Variants in LUC7L3 observed in about 807,000 individuals in gnomAD.
LUC7L3 encodes the protein LUC7 like 3 pre-mRNA splicing factor, also known as luc7-like protein 3.
A neutral mutation model predicts 66.8 loss-of-function variants in LUC7L3; 6 were observed. The observed-to-expected ratio is 0.09, with a 90% CI of 0.05 to 0.18. The LOEUF (loss-of-function observed/expected upper bound fraction) is 0.18, where lower values mean the gene tolerates loss of function less well. Ranked by LOEUF, LUC7L3 falls within the 10% of genes least tolerant of loss-of-function variation. The probability of loss-of-function intolerance (pLI) is 1.00; values close to 1 mark genes in which losing one functional copy is unlikely to be tolerated. For missense variants in LUC7L3, 341 were observed against 531.1 expected, an observed-to-expected ratio of 0.64 and a Z score of 3.52; for synonymous variants, 160 against 174.7, an observed-to-expected ratio of 0.92 and a Z score of 0.66.
At position 50,753,486 on chromosome 17, in the gene LUC7L3, A is replaced by G. The variant is rs1412897892; in HGVS notation, c.*2825A>G. On this transcript the variant is annotated 3_prime_UTR_variant, in exon 10 of 10. Coordinates refer to ENST00000505658, the MANE Select transcript of LUC7L3 (RefSeq NM_016424.5). ...TTTGAAAAATAATGAAGCCGCCCCCACTTTAGAGGCTCTGTATGAAAAAAT... is the reference window on the plus strand; with the variant it reads ...TTTGAAAAATAATGAAGCCGCCCCCGCTTTAGAGGCTCTGTATGAAAAAAT... 6.6e-6 allele frequency: 1 copy of G among 152,212 alleles called. No individual in the cohort carries two copies. Among genetic ancestry groups the G allele is most frequent in the Non-Finnish European group, 1.5e-5 (1 of 68,008 alleles). The allele number at this position is 152,212 out of a possible 1,614,324, so 9.4% of individuals were successfully genotyped here.
rs67066059 is a variant in LUC7L3, at chr17:50,739,653, C to CA, written c.167-645dup. On this transcript the variant is annotated intron_variant, in intron 2 of 9. Transcript: ENST00000505658. ...TGGGCGACAGAGCAAGACTCTATCT[C>CA]AAAAAAAACAAAACAACAACAACAA... Among the ~76,000 whole-genome samples the CA allele has an allele frequency of 4.2e-4, 63 of 151,788 alleles. No homozygotes were observed. In the East Asian group the frequency reaches 9.1e-3, roughly 22 times the overall value.
At chr17:50,724,857 GT>G (rs1488090417) in intron 1 of LUC7L3, among the ~76,000 whole-genome samples, 2 of 150,618 alleles carry the variant, frequency 1.3e-5, no homozygotes, top group African/African-American at 4.9e-5. Context: ...CACCTCCCGG[GT>G]TCAAGCGATT....
At chr17:50,735,860 C>T (rs1173435770) in intron 1 of LUC7L3, among the ~76,000 whole-genome samples, 2 of 152,130 alleles carry the variant, frequency 1.3e-5, no homozygotes, top group African/African-American at 4.8e-5. Flanking sequence ...GAGCTGGGCA[C>T]AGTGGTTCAC....
intron 7 of LUC7L3, 119 bp from the exon 8 acceptor site, chr17:50,745,601 A>G (rs1302183767): frequency 7.2e-6 from 5 of 696,562 alleles, no homozygotes; most frequent in African/African-American, 1.8e-5. Context: ...GAATGTCTAC[A>G]TTTCCCTTAA....
chr17:50,726,401 G>T (rs1052684150), intron 1 of LUC7L3, among the ~76,000 whole-genome samples: 1 of 152,054 alleles, frequency 6.6e-6, no homozygotes, highest in African/African-American at 2.4e-5. Flanking sequence ...CGAACTCCTG[G>T]CCTTAAGTGA....
At chr17:50,745,596 T>C (rs1234576464) in intron 7 of LUC7L3, 124 bp from the exon 8 acceptor site, 1 of 674,132 alleles carries the variant, frequency 1.5e-6, no homozygotes, top group African/African-American at 1.8e-5. Flanking sequence ...TGTTGGAATG[T>C]CTACATTTCC....
intron 1 of LUC7L3, chr17:50,722,803 T>C (rs1968881793): frequency 6.6e-6 from 1 of 152,250 alleles, no homozygotes; most frequent in African/African-American, 2.4e-5. Flanking sequence ...TACAGGCATT[T>C]CCAACTTTGT....
chr17:50,725,427 G>C (rs538414476), intron 1 of LUC7L3, among the ~76,000 whole-genome samples: 6 of 152,236 alleles, frequency 3.9e-5, no homozygotes, highest in African/African-American at 1.2e-4. Context: ...AAAATTAAAA[G>C]TATTGCTCTT....
At chr17:50,737,814 A>C (rs1353507344) in intron 2 of LUC7L3, among the ~76,000 whole-genome samples, 1 of 152,184 alleles carries the variant, frequency 6.6e-6, no homozygotes, top group Non-Finnish European at 1.5e-5. Context: ...TTTCTGGAGA[A>C]ATTGGACTAG....
In LUC7L3 at chr17:50,751,567, C is replaced by G; in HGVS notation, c.*906C>G. The G allele has an allele frequency of 8.7e-7, 1 of 1,145,740 alleles. No individual in the cohort carries two copies. Among genetic ancestry groups the G allele is most frequent in the Non-Finnish European group, 1.1e-6 (1 of 918,836 alleles). 71.0% of individuals were successfully genotyped at this position (1,145,740 alleles called of 1,614,324 possible). A position where few individuals can be genotyped will look rare whatever the true frequency, so the allele number is the denominator to read the frequency against. ...CTGTATGTAGGGCTGCAGTGGTGGC[C>G]AGAATTAGATATCTTTAAAGAATTT... On this transcript the variant is annotated 3_prime_UTR_variant, in exon 10 of 10. Coordinates refer to ENST00000505658, the MANE Select transcript of LUC7L3 (RefSeq NM_016424.5).
At chr17:50,749,771 T>C (rs1406549376) in intron 9 of LUC7L3, among the ~76,000 whole-genome samples, 1 of 152,244 alleles carries the variant, frequency 6.6e-6, no homozygotes, top group East Asian at 1.9e-4. Context: ...CTATGCTTGC[T>C]CTGGTGTACT....
At position 50,753,992 on chromosome 17, in the gene LUC7L3, G is replaced by A. The variant is rs1259801136; in HGVS notation, c.*3331G>A. 6.6e-6 allele frequency: 1 copy of A among 152,104 alleles called. No individual in the cohort carries two copies. The highest frequency in any genetic ancestry group is 2.4e-5 in the African/African-American group (1 of 41,422). The allele number at this position is 152,104 out of a possible 1,614,324, so 9.4% of individuals were successfully genotyped here. ...CCTGGCTTTAGTTATGGAGAGAGAC[G>A]TAGAAGTTGAATTTTACACCCAAAA... On this transcript the variant is annotated 3_prime_UTR_variant, in exon 10 of 10. Transcript: ENST00000505658.
intron 2 of LUC7L3, 114 bp downstream of exon 2, chr17:50,737,140 T>G: frequency 1.4e-6 from 1 of 724,534 alleles, no homozygotes; most frequent in South Asian, 1.8e-5. Flanking sequence ...TCTTAAAGAT[T>G]TGCTAATAAG....
At chr17:50,731,276 C>G (rs1437273106) in intron 1 of LUC7L3, among the ~76,000 whole-genome samples, 3 of 152,190 alleles carry the variant, frequency 2.0e-5, no homozygotes, top group Non-Finnish European at 2.9e-5. Context: ...TCAAGCGATT[C>G]TCCCACCTCA....
rs1970551287 is a variant in LUC7L3 at position 50,744,583 on chromosome 17, G to A, written c.532-69G>A. The A allele has an allele frequency of 2.1e-6, 3 of 1,408,960 alleles. No individual in the cohort carries two copies. The Admixed American group carries it at 6.4e-5, about 30-fold the overall frequency. The allele number at this position is 1,408,960 out of a possible 1,614,324, so 87.3% of individuals were successfully genotyped here. On this transcript the variant is annotated intron_variant, in intron 6 of 9. Transcript: ENST00000505658. ...CACACATTAGAAATCTTTTCTAAAT[G>A]TTGAGTACTTTCCTGGGATTTGTTT...
intron 9 of LUC7L3, among the ~76,000 whole-genome samples, chr17:50,750,254 C>T (rs1445570121): frequency 6.6e-6 from 1 of 152,108 alleles, no homozygotes; most frequent in African/African-American, 2.4e-5. Context: ...CTGCAATGTG[C>T]TTAATAGCTT....
At position 50,739,480 on chromosome 17, in the gene LUC7L3, T is replaced by C. The variant is rs372125471; in HGVS notation, c.167-826T>C. 1.1e-4 allele frequency among the ~76,000 whole-genome samples: 17 copies of C among 152,264 alleles called. No homozygotes were observed. In the East Asian group the frequency reaches 2.9e-3, roughly 26 times the overall value. On this transcript the variant is annotated intron_variant, in intron 2 of 9. Transcript: ENST00000505658. Reference sequence around the variant, plus strand: ...CAGCTTGCCCAACAGGGTGAAATCCTGTCTCTACTAAAAATACAAAAAAAT... The same window carrying C: ...CAGCTTGCCCAACAGGGTGAAATCCCGTCTCTACTAAAAATACAAAAAAAT...
At chr17:50,747,232 C>CTTTTTTTTTTTTTTTTTTTTTTTTTT (rs757254602) in intron 9 of LUC7L3, among the ~76,000 whole-genome samples, 2 of 102,986 alleles carry the variant, frequency 1.9e-5, no homozygotes, top group Admixed American at 9.6e-5. Context: ...TTTTCTTTTT[C>CTTTTTTTTTTTTTTTTTTTTTTTTTT]TTTTTTTTTT....
At chr17:50,724,038 TC>T in intron 1 of LUC7L3, 1 of 443,940 alleles carries the variant, frequency 2.3e-6, no homozygotes, top group East Asian at 7.3e-5. Flanking sequence ...TTGCTTTTCT[TC>T]CCAAAACATA....
Sources: allele counts gnomAD v4.1 joint callset (sites outside exome capture counted in the v4.1 genomes callset), GRCh38; gene constraint gnomAD v4.1.1; transcripts MANE v1.5; gene names NCBI Gene and HGNC (gene_info 2026-07-23, HGNC 2026-07-21).